KBTBD12: variants seen among roughly 807,000 people sequenced by gnomAD.
KBTBD12 encodes kelch repeat and BTB domain-containing protein 12.
Under a neutral mutation model 58.7 loss-of-function variants are expected in KBTBD12, and 53 were observed. That is an observed-to-expected ratio of 0.90 (90% CI 0.72 to 1.14). KBTBD12 has a LOEUF of 1.14. Ranked by LOEUF, KBTBD12 falls within the 50% of genes most tolerant of loss-of-function variation. The probability of loss-of-function intolerance (pLI) is 0.00; values close to 1 mark genes in which losing one functional copy is unlikely to be tolerated. For missense variants in KBTBD12, 704 were observed against 751.3 expected (o/e 0.94, Z 0.74); for synonymous variants, 236 against 259.8 (o/e 0.91, Z 0.88).
At chr3:127,952,716 G>T (rs1185976520) in intron 4 of KBTBD12, among the ~76,000 whole-genome samples, 1 of 152,198 alleles carries the variant, frequency 6.6e-6, no homozygotes, top group Non-Finnish European at 1.5e-5. Context: ...GTTTTCACTT[G>T]TGCTCTGGGC....
At chr3:127,961,632 G>A (rs1203890249) in intron 4 of KBTBD12, among the ~76,000 whole-genome samples, 4 of 152,208 alleles carry the variant, frequency 2.6e-5, no homozygotes, top group Non-Finnish European at 5.9e-5. Flanking sequence ...CAGGCCCTGT[G>A]ATATAAAAGA....
chr3:127,969,802 A>G (rs185086312), intron 5 of KBTBD12, among the ~76,000 whole-genome samples: 18 of 152,338 alleles, frequency 1.2e-4, no homozygotes, highest in Non-Finnish European at 2.2e-4. Flanking sequence ...GCCTCTTACC[A>G]TGTACAAAAA....
At chr3:127,949,827 C>T (rs1253860135) in intron 4 of KBTBD12, among the ~76,000 whole-genome samples, 3 of 152,100 alleles carry the variant, frequency 2.0e-5, no homozygotes, top group East Asian at 1.9e-4. Context: ...CCCTGTTTTG[C>T]GGCTGTGTAA....
At chr3:127,939,517 C>T (rs867128216) in intron 4 of KBTBD12, among the ~76,000 whole-genome samples, 2 of 151,888 alleles carry the variant, frequency 1.3e-5, no homozygotes, top group Middle Eastern at 6.8e-3. Flanking sequence ...GCGAAGATTC[C>T]AACATTCCAG....
intron 1 of KBTBD12, among the ~76,000 whole-genome samples, chr3:127,921,138 A>G (rs116126522): frequency 6.6e-6 from 1 of 152,158 alleles, no homozygotes; most frequent in African/African-American, 2.4e-5. Context: ...CATATTGTAC[A>G]TGCATGGCCT....
intron 3 of KBTBD12, 22 bp downstream of exon 3, chr3:127,928,056 A>G (rs913722600): frequency 4.4e-6 from 7 of 1,601,496 alleles, no homozygotes; most frequent in South Asian, 2.2e-5. Context: ...TCCTGTATAC[A>G]TAATTGGCAT....
intron 4 of KBTBD12, among the ~76,000 whole-genome samples, chr3:127,949,871 G>A (rs1940168118): frequency 6.6e-6 from 1 of 152,134 alleles, no homozygotes; most frequent in Non-Finnish European, 1.5e-5. Flanking sequence ...GGAAGGAGTT[G>A]GAAACTGAAG....
chr3:127,927,907 G>T lies in KBTBD12; in HGVS notation c.1214G>T (p.Cys405Phe). The T allele has an allele frequency of 6.2e-7, 1 of 1,613,542 alleles. No individual in the cohort carries two copies. ...AAAAACCAGTATCTTATTACAAACT[G>T]TGTTGATAAGTACTCTGTAGAACGG... ...KIKNQYLITN[C>F]VDKYSVERDN... is the part of the protein sequence containing the mutation. The change falls in exon 3 of 6, where the codon TGT (cysteine) becomes TTT (phenylalanine). Residue 405 changes from cysteine to phenylalanine, a missense_variant. Cys to Phe is a radical substitution (Grantham distance 205). Transcript: ENST00000405109.
chr3:127,935,618 A>T (rs1030422920), intron 4 of KBTBD12, among the ~76,000 whole-genome samples: 1 of 152,090 alleles, frequency 6.6e-6, no homozygotes, highest in South Asian at 2.1e-4. Flanking sequence ...AAAGAAAATG[A>T]TGCACTTAAA....
chr3:127,919,622 G>C (rs1939348707), intron 1 of KBTBD12, among the ~76,000 whole-genome samples: 1 of 152,184 alleles, frequency 6.6e-6, no homozygotes, highest in Non-Finnish European at 1.5e-5. Flanking sequence ...CAGCGATATT[G>C]AGGTGGAGGG....
intron 4 of KBTBD12, among the ~76,000 whole-genome samples, chr3:127,932,037 G>A (rs930380048): frequency 6.6e-6 from 1 of 152,088 alleles, no homozygotes; most frequent in African/African-American, 2.4e-5. Context: ...ATTAAAGAAT[G>A]TTTTAGAAAA....
At chr3:127,942,340 G>A (rs1939971393) in intron 4 of KBTBD12, among the ~76,000 whole-genome samples, 3 of 152,040 alleles carry the variant, frequency 2.0e-5, no homozygotes, top group Admixed American at 2.0e-4. Context: ...ATACGATACA[G>A]TATTAACTGT....
At chr3:127,957,928 G>T (rs1940351514) in intron 4 of KBTBD12, among the ~76,000 whole-genome samples, 1 of 152,244 alleles carries the variant, frequency 6.6e-6, no homozygotes, top group African/African-American at 2.4e-5. Flanking sequence ...CCAATTCTGT[G>T]TAGAGACATG....
intron 4 of KBTBD12, among the ~76,000 whole-genome samples, chr3:127,931,269 A>G (rs1191054596): frequency 6.6e-6 from 1 of 152,160 alleles, no homozygotes; most frequent in Non-Finnish European, 1.5e-5. Context: ...CATGAAGCAA[A>G]ATAATTAATG....
intron 4 of KBTBD12, among the ~76,000 whole-genome samples, chr3:127,950,592 G>A (rs2107603759): frequency 6.6e-6 from 1 of 152,184 alleles, no homozygotes; most frequent in Admixed American, 6.5e-5. Flanking sequence ...ATATTACGCT[G>A]GGTGCTAAGG....
chr3:127,928,466 G>A (rs1404932999), intron 3 of KBTBD12, among the ~76,000 whole-genome samples: 4 of 152,196 alleles, frequency 2.6e-5, no homozygotes, highest in Non-Finnish European at 4.4e-5. Flanking sequence ...CCAGAATACC[G>A]ATCTGTGATG....
intron 3 of KBTBD12, among the ~76,000 whole-genome samples, chr3:127,929,162 G>T (rs1159094122): frequency 6.6e-6 from 1 of 152,128 alleles, no homozygotes; most frequent in Non-Finnish European, 1.5e-5. Context: ...GTCAACGTTT[G>T]TTAATTTATA....
At position 127,923,215 on chromosome 3, in the gene KBTBD12, T is replaced by C; in HGVS notation, c.154T>C (p.Phe52Leu). The C allele has an allele frequency of 1.9e-6, 3 of 1,613,872 alleles. No homozygotes were observed. The highest frequency in any genetic ancestry group is 2.5e-6 in the Non-Finnish European group (3 of 1,179,778). Residue 52 changes from phenylalanine to leucine, a missense_variant, in exon 2 of 6, where the codon TTT (phenylalanine) becomes CTT (leucine). By Grantham distance (22) the Phe-to-Leu change is conservative (BLOSUM62 0). Coordinates refer to ENST00000405109, the MANE Select transcript of KBTBD12 (RefSeq NM_207335.4). ...TTGCCACAGACTGGTCCTGGCTGCA[T>C]TTAGCCCTTATTTCAAAGCTATGTT... ...FPCHRLVLAA[F>L]SPYFKAMFTC... is the part of the protein sequence containing the mutation.
At chr3:127,931,278 T>G (rs995383284) in intron 4 of KBTBD12, among the ~76,000 whole-genome samples, 1 of 152,174 alleles carries the variant, frequency 6.6e-6, no homozygotes, top group African/African-American at 2.4e-5. Context: ...AAATAATTAA[T>G]GCACTCAAGC....
Sources: gnomAD v4.1 joint callset for allele counts (sites outside exome capture counted in the v4.1 genomes callset) on GRCh38, gnomAD v4.1.1 for gene constraint, MANE v1.5 for transcripts, NCBI Gene and HGNC (gene_info 2026-07-23, HGNC 2026-07-21) for gene names.